Variants in CD96 observed in about 807,000 individuals in gnomAD.
CD96 encodes CD96 molecule.
In CD96, 70 loss-of-function variants were observed where a neutral mutation model predicts 71.3. That is an observed-to-expected ratio of 0.98 (90% confidence interval 0.81 to 1.20). CD96 has a LOEUF of 1.20. Ranked by LOEUF, CD96 falls within the 50% of genes most tolerant of loss-of-function variation. CD96 has a pLI of 0.00. For synonymous variants in CD96, 248 were observed against 233.0 expected (o/e 1.06, Z -0.59); for missense variants, 742 against 677.5 (o/e 1.10, Z -1.06).
At position 111,573,930 on chromosome 3, in the gene CD96, G is replaced by T. The variant is rs79430656; in HGVS notation, c.544-5097G>T. 7.2e-5 allele frequency among the ~76,000 whole-genome samples: 11 copies of T among 152,308 alleles called. No homozygotes were observed. In the East Asian group the frequency reaches 2.1e-3, roughly 29 times the overall value. On this transcript the variant is annotated intron_variant, in intron 3 of 13. Coordinates refer to ENST00000352690, the MANE Select transcript of CD96 (RefSeq NM_005816.5). ...AATGAAGTGCCAACCAAACTACAAAGTGTTGATAACCAACAGCAATGGTTA... is the reference window on the plus strand; with the variant it reads ...AATGAAGTGCCAACCAAACTACAAATTGTTGATAACCAACAGCAATGGTTA...
At chr3:111,574,169 C>T (rs1326812416) in intron 3 of CD96, among the ~76,000 whole-genome samples, 1 of 152,192 alleles carries the variant, frequency 6.6e-6, no homozygotes, top group Non-Finnish European at 1.5e-5. Context: ...TCAGTGCAGC[C>T]AGCTCTGACA....
intron 5 of CD96, chr3:111,593,925 C>G (rs759352888): frequency 6.2e-7 from 1 of 1,613,806 alleles, no homozygotes; most frequent in Non-Finnish European, 8.5e-7. Flanking sequence ...GTGGTGCCCA[C>G]GTTGACCCCA....
intron 7 of CD96, among the ~76,000 whole-genome samples, chr3:111,602,634 A>G (rs929567184): frequency 1.3e-5 from 2 of 152,150 alleles, no homozygotes; most frequent in South Asian, 2.1e-4. Context: ...ATGTCTCCCT[A>G]TTGTTGCAAG....
At chr3:111,605,591 G>A (rs532377288) in intron 7 of CD96, among the ~76,000 whole-genome samples, 52 of 152,190 alleles carry the variant, frequency 3.4e-4, no homozygotes, top group African/African-American at 1.2e-3. Flanking sequence ...CCATATAACC[G>A]TCCTCCACCT....
At chr3:111,657,414 CAA>C (rs71299335) in intron 14 of CD96, among the ~76,000 whole-genome samples, 2 of 114,912 alleles carry the variant, frequency 1.7e-5, no homozygotes, top group Non-Finnish European at 3.7e-5. Context: ...GACTCCATTT[CAA>C]AAAAAAAAAA....
chr3:111,566,453 C>G (rs966739364), intron 2 of CD96, among the ~76,000 whole-genome samples: 1 of 152,048 alleles, frequency 6.6e-6, no homozygotes, highest in Non-Finnish European at 1.5e-5. Context: ...TTTAAATCAC[C>G]TGTAGTTCAA....
chr3:111,619,257 G>A (rs1938400954), intron 8 of CD96, among the ~76,000 whole-genome samples: 1 of 23,566 alleles, frequency 4.2e-5, no homozygotes, highest in Non-Finnish European at 1.7e-4. Context: ...AGCATAAAAG[G>A]GTGGGTTTTT....
At chr3:111,603,394 G>T (rs769209851) in intron 7 of CD96, among the ~76,000 whole-genome samples, 1 of 151,650 alleles carries the variant, frequency 6.6e-6, no homozygotes, top group Non-Finnish European at 1.5e-5. Flanking sequence ...CCAGTGAGCC[G>T]TGATCATGCC....
intron 2 of CD96, among the ~76,000 whole-genome samples, chr3:111,553,074 A>G (rs1452788043): frequency 6.6e-6 from 1 of 151,486 alleles, no homozygotes; most frequent in East Asian, 1.9e-4. Flanking sequence ...TAAAAGATAA[A>G]GATGTCATTA....
rs1490851020 is a variant in CD96, at chr3:111,649,722, G to GCCA, written c.1635_1637dup (p.Pro547dup). 2 of 1,613,714 alleles carry GCCA rather than the reference G, an allele frequency of 1.2e-6. No homozygotes were observed. Among genetic ancestry groups the GCCA allele is most frequent in the Non-Finnish European group, 1.7e-6 (2 of 1,179,730 alleles). ...GAATGGAAAGACCTCCACCTTTCAA[G>GCCA]CCACCACCACCTCCCATCAAGTACA... On this transcript the variant is annotated inframe_insertion, in exon 14 of 14. Transcript: ENST00000352690.
chr3:111,573,626 T>G (rs1026642476), intron 3 of CD96, among the ~76,000 whole-genome samples: 3 of 152,162 alleles, frequency 2.0e-5, no homozygotes, highest in African/African-American at 7.2e-5. Context: ...TCACGATTTT[T>G]CTCTTTAAAA....
intron 1 of CD96, among the ~76,000 whole-genome samples, chr3:111,544,712 T>C (rs1251668034): frequency 3.9e-5 from 6 of 152,236 alleles, no homozygotes; most frequent in Non-Finnish European, 7.3e-5. Context: ...AGAATCGTCA[T>C]ACTAAGTTTG....
chr3:111,563,120 G>A (rs1935537924), intron 2 of CD96, among the ~76,000 whole-genome samples: 1 of 152,204 alleles, frequency 6.6e-6, no homozygotes, highest in Non-Finnish European at 1.5e-5. Context: ...TTTTATAATG[G>A]CATTAATGCC....
intron 8 of CD96, 128 bp downstream of exon 8, chr3:111,606,920 AT>A: frequency 2.8e-6 from 2 of 715,232 alleles, no homozygotes; most frequent in Non-Finnish European, 5.1e-6. Flanking sequence ...ATTGGGTTTT[AT>A]TTTTTAACAG....
At chr3:111,562,773 T>A (rs373036977) in intron 2 of CD96, among the ~76,000 whole-genome samples, 203 of 152,298 alleles carry the variant, frequency 1.3e-3, no homozygotes, top group African/African-American at 4.5e-3. Flanking sequence ...CTTTTGGGTC[T>A]CCCTGACTCA....
intron 12 of CD96, among the ~76,000 whole-genome samples, chr3:111,643,735 CAAAAAA>C (rs56078551): frequency 7.8e-6 from 1 of 128,242 alleles, no homozygotes; most frequent in Non-Finnish European, 1.6e-5. Context: ...ACAATAGCTG[CAAAAAA>C]AAAAAAAAAA....
chr3:111,577,544 A>G (rs1481591083), intron 3 of CD96: 2 of 1,596,304 alleles, frequency 1.3e-6, no homozygotes, highest in East Asian at 2.2e-5. Context: ...TTCTAAGGGT[A>G]TAAAGGTATG....
At chr3:111,619,722 G>A (rs1335441728) in intron 8 of CD96, among the ~76,000 whole-genome samples, 1 of 151,832 alleles carries the variant, frequency 6.6e-6, no homozygotes, top group Non-Finnish European at 1.5e-5. Flanking sequence ...TGGCTATGAG[G>A]AATGCAAATA....
At chr3:111,652,851 C>T (rs559694353), downstream of CD96, among the ~76,000 whole-genome samples, 16 of 152,034 alleles carry the variant, frequency 1.1e-4, no homozygotes, top group Middle Eastern at 3.4e-3. Context: ...TAGAGTCTGA[C>T]TCAACCAGCA....
Sources: gnomAD v4.1 joint callset for allele counts (sites outside exome capture counted in the v4.1 genomes callset) on GRCh38, gnomAD v4.1.1 for gene constraint, MANE v1.5 for transcripts, NCBI Gene and HGNC (gene_info 2026-07-23, HGNC 2026-07-21) for gene names.